The following E2F7 variants were observed in gnomAD, a reference collection of about 807,000 sequenced individuals.
E2F7 encodes transcription factor E2F7.
A neutral mutation model predicts 81.1 loss-of-function variants in E2F7; 35 were observed. The ratio of observed to expected loss-of-function variants is 0.43; its 90% confidence interval spans 0.33 to 0.57. The LOEUF (loss-of-function observed/expected upper bound fraction) is 0.57, where lower values mean the gene tolerates loss of function less well. Among genes scored for constraint, E2F7 ranks in the 20% least tolerant of loss-of-function variants. The pLI is 0.04. For synonymous variants in E2F7, 416 were observed against 416.2 expected, an observed-to-expected ratio of 1.00 and a Z score of 0.01; for missense variants, 961 against 1,093.7, an observed-to-expected ratio of 0.88 and a Z score of 1.71.
chr12:77,049,400 G>A (rs1954968196), intron 4 of E2F7, among the ~76,000 whole-genome samples: 1 of 152,166 alleles, frequency 6.6e-6, no homozygotes, highest in Non-Finnish European at 1.5e-5. Context: ...ATTCTAGTAA[G>A]AGCTGACTAG....
chr12:77,039,811 T>G (rs1043911933), intron 7 of E2F7, among the ~76,000 whole-genome samples: 1 of 152,174 alleles, frequency 6.6e-6, no homozygotes, highest in Non-Finnish European at 1.5e-5. Context: ...TCCTAGGTAT[T>G]TACCCAAGAG....
chr12:77,056,293 T>C (rs1440542045), intron 2 of E2F7, among the ~76,000 whole-genome samples, 163 bp from the exon 3 acceptor site: 3 of 152,182 alleles, frequency 2.0e-5, no homozygotes, highest in African/African-American at 7.2e-5. Flanking sequence ...GTCATGGGAA[T>C]AGAAGAGTGG....
intron 7 of E2F7, among the ~76,000 whole-genome samples, chr12:77,034,666 G>C (rs573458047): frequency 6.6e-6 from 1 of 152,300 alleles, no homozygotes; most frequent in South Asian, 2.1e-4. Flanking sequence ...TATATGTGGG[G>C]TTAAGACACA....
rs763121174 is a variant in E2F7, at chr12:77,025,989, GA to G, written c.2141-8del. The stretch of plus-strand genomic sequence containing the variant: ...ACATTGAAACCATTTAATCCTGAAA[GA>G]AAAGCAGAACAGGCGAAAATCAATA... On this transcript the variant is annotated splice_region_variant and splice_polypyrimidine_tract_variant and intron_variant, in intron 11 of 12. Transcript: ENST00000322886. The G allele has an allele frequency of 1.3e-6, 2 of 1,597,244 alleles. No individual in the cohort carries two copies.
At chr12:77,059,694 A>G (rs530918131) in intron 2 of E2F7, among the ~76,000 whole-genome samples, 53 of 152,286 alleles carry the variant, frequency 3.5e-4, no homozygotes, top group African/African-American at 1.2e-3. Context: ...GAAGTAGCAC[A>G]GACATATAAA....
intron 6 of E2F7, among the ~76,000 whole-genome samples, chr12:77,043,583 G>A (rs918615162): frequency 3.3e-5 from 5 of 151,918 alleles, no homozygotes; most frequent in African/African-American, 4.8e-5. Flanking sequence ...AGACTGTGGC[G>A]CCAGCTCCAC....
intron 6 of E2F7, 140 bp from the exon 7 acceptor site, chr12:77,043,339 C>T: frequency 9.3e-7 from 1 of 1,077,494 alleles, no homozygotes; most frequent in Non-Finnish European, 1.3e-6. Context: ...ACCAGTGGCT[C>T]TGTCATAAAA....
rs145327899 is a variant in E2F7 at position 77,042,588 on chromosome 12, C to T, written c.1123+477G>A. Among the ~76,000 whole-genome samples the T allele has an allele frequency of 3.1e-3, 472 of 152,220 alleles. 3 individuals carry two copies. Among genetic ancestry groups the T allele is most frequent in the African/African-American group, 0.011 (459 of 41,538 alleles). On this transcript the variant is annotated intron_variant, in intron 7 of 12. Coordinates refer to ENST00000322886, the MANE Select transcript of E2F7 (RefSeq NM_203394.3). Reference sequence around the variant, plus strand: ...TTAAATACAAAAAGTCCATTACATCCATACTATATTTAGATGCAATCTTAA... The same window carrying T: ...TTAAATACAAAAAGTCCATTACATCTATACTATATTTAGATGCAATCTTAA...
intron 4 of E2F7, among the ~76,000 whole-genome samples, chr12:77,049,876 G>A (rs1164600989): frequency 1.3e-5 from 2 of 152,178 alleles, no homozygotes; most frequent in African/African-American, 2.4e-5. Context: ...GGGACACCCT[G>A]ACACCTTCAT....
intron 2 of E2F7, among the ~76,000 whole-genome samples, chr12:77,064,255 C>A (rs1273995564): frequency 6.6e-6 from 1 of 152,178 alleles, no homozygotes; most frequent in Non-Finnish European, 1.5e-5. Context: ...CCACCCTTGA[C>A]AACTGTATTA....
chr12:77,064,298 G>A (rs1412371063), intron 2 of E2F7, among the ~76,000 whole-genome samples: 3 of 152,144 alleles, frequency 2.0e-5, no homozygotes, highest in Admixed American at 2.0e-4. Context: ...GCATATTTTT[G>A]ACTTATATAA....
At chr12:77,031,393 C>T (rs1447194583) in intron 9 of E2F7, among the ~76,000 whole-genome samples, 1 of 152,118 alleles carries the variant, frequency 6.6e-6, no homozygotes, top group East Asian at 1.9e-4. Flanking sequence ...GTAATCCCAG[C>T]ACTTTGGGAG....
chr12:77,022,492 T>G lies in E2F7; in HGVS notation c.*1523A>C, dbSNP rs1432090442. The G allele has an allele frequency of 6.6e-6, 1 of 152,566 alleles. No individual in the cohort carries two copies. Among genetic ancestry groups the G allele is most frequent in the African/African-American group, 2.4e-5 (1 of 41,452 alleles). 9.5% of individuals were successfully genotyped at this position (152,566 alleles called of 1,614,324 possible). A position where few individuals can be genotyped will look rare whatever the true frequency, so the allele number is the denominator to read the frequency against. ...TGTAGTTAATATAAAGCTACTTTAT[T>G]CAGACTCCCAGAGTCTCTTAAATTA... On this transcript the variant is annotated 3_prime_UTR_variant, in exon 13 of 13. Transcript: ENST00000322886.
intron 7 of E2F7, among the ~76,000 whole-genome samples, chr12:77,040,076 A>C (rs992126410): frequency 6.6e-6 from 1 of 152,186 alleles, no homozygotes. Context: ...CATTGCTTCT[A>C]GGGGACATAA....
intron 12 of E2F7, among the ~76,000 whole-genome samples, chr12:77,025,142 C>T (rs7136866): frequency 0.034 from 5,177 of 152,070 alleles, 290 homozygotes; most frequent in African/African-American, 0.12. Context: ...GGCTAAGAAT[C>T]TCTGAGTTAC....
At position 77,030,139 on chromosome 12, in the gene E2F7, G is replaced by C; in HGVS notation, c.1576C>G (p.Leu526Val). 6.2e-7 allele frequency: 1 copy of C among 1,614,232 alleles called. No individual in the cohort carries two copies. The highest frequency in any genetic ancestry group is 8.5e-7 in the Non-Finnish European group (1 of 1,180,046). ...NGLNGQVDVS[L>V]ASAASAVESL... ...TCCACAGCAGAGGCTGCAGAAGCAA[G>C]TGAGACATCCACTTGTCCATTCAGA... The change falls in exon 10 of 13, where the codon CTT (leucine) becomes GTT (valine). Residue 526 changes from leucine to valine, a missense_variant. Physicochemically the swap from Leu to Val is conservative, Grantham distance 32. This residue lies in a region of E2F7 where 587 missense variants were observed against 620.3 expected (regional missense o/e 0.95). Transcript: ENST00000322886.
chr12:77,030,328 T>C lies in E2F7; in HGVS notation c.1387A>G (p.Lys463Glu). The change falls in exon 10 of 13, where the codon AAA becomes GAA. Residue 463 changes from lysine (K) to glutamate (E), a missense_variant. Physicochemically the swap from Lys to Glu is moderately conservative, Grantham distance 56 (BLOSUM62 1). This residue lies in a region of E2F7 where 587 missense variants were observed against 620.3 expected (regional missense o/e 0.95). Coordinates refer to ENST00000322886, the MANE Select transcript of E2F7 (RefSeq NM_203394.3). Reference protein sequence around the residue: ...RQKIEDNSQGKAFASKRVVPP... With the variant: ...RQKIEDNSQGEAFASKRVVPP... ...ACCACTCTCTTACTGGCAAAGGCTT[T>C]TCCCCTATAATAAAAAAGAAACGTA... 3.9e-6 allele frequency: 6 copies of C among 1,531,524 alleles called. No individual in the cohort carries two copies. Among genetic ancestry groups the C allele is most frequent in the Non-Finnish European group, 5.3e-6 (6 of 1,140,428 alleles). The allele number at this position is 1,531,524 out of a possible 1,614,324, so 94.9% of individuals were successfully genotyped here. A position where few individuals can be genotyped will look rare whatever the true frequency, so the allele number is the denominator to read the frequency against.
intron 12 of E2F7, among the ~76,000 whole-genome samples, chr12:77,024,765 T>C (rs997549842): frequency 1.3e-5 from 2 of 152,218 alleles, no homozygotes; most frequent in African/African-American, 2.4e-5. Flanking sequence ...GAAAATTCTA[T>C]GTTATGCTAT....
chr12:77,035,545 TAG>T (rs1954842285), intron 7 of E2F7, among the ~76,000 whole-genome samples: 2 of 152,198 alleles, frequency 1.3e-5, no homozygotes, highest in African/African-American at 4.8e-5. Context: ...TAAAAGCTGA[TAG>T]AGTCTTGCTA....
Sources: allele counts gnomAD v4.1 joint callset (sites outside exome capture counted in the v4.1 genomes callset), GRCh38; gene constraint gnomAD v4.1.1; regional missense constraint gnomAD v4.1.1; transcripts MANE v1.5; gene names NCBI Gene and HGNC (gene_info 2026-07-23, HGNC 2026-07-21).